The following SNTG1 variants were observed in gnomAD, a reference collection of about 807,000 sequenced individuals.
The protein encoded by SNTG1 is syntrophin gamma 1, also known as gamma-1-syntrophin.
In SNTG1, 39 loss-of-function variants were observed where a neutral mutation model predicts 74.7. The ratio of observed to expected loss-of-function variants is 0.52; its 90% CI spans 0.40 to 0.68. The LOEUF (loss-of-function observed/expected upper bound fraction) is 0.68, where lower values mean the gene tolerates loss of function less well. Ranked by LOEUF, SNTG1 falls within the 30% of genes least tolerant of loss-of-function variation. The pLI, the probability that SNTG1 is intolerant of heterozygous loss-of-function variation, is 0.00. For synonymous variants in SNTG1, 254 were observed against 217.1 expected, an observed-to-expected ratio of 1.17 and a Z score of -1.49; for missense variants, 685 against 609.5, an observed-to-expected ratio of 1.12 and a Z score of -1.30.
intron 1 of SNTG1, among the ~76,000 whole-genome samples, chr8:50,098,973 T>C (rs2080029693): frequency 6.6e-6 from 1 of 152,068 alleles, no homozygotes; most frequent in Non-Finnish European, 1.5e-5. Flanking sequence ...CATGTACACA[T>C]AGAACAACGG....
At chr8:50,304,746 C>A (rs991607031) in intron 2 of SNTG1, among the ~76,000 whole-genome samples, 1 of 152,144 alleles carries the variant, frequency 6.6e-6, no homozygotes, top group African/African-American at 2.4e-5. Flanking sequence ...TATACTCTGT[C>A]TAATATAGCC....
intron 2 of SNTG1, among the ~76,000 whole-genome samples, chr8:50,277,928 C>A (rs36097929): frequency 2.0e-5 from 3 of 152,040 alleles, no homozygotes; most frequent in African/African-American, 7.2e-5. Context: ...AATCCCAGCA[C>A]TTTGGGAAGC....
At chr8:50,258,820 AATGAGATTACCGCCTG>A (rs1435054965) in intron 2 of SNTG1, among the ~76,000 whole-genome samples, 2 of 152,134 alleles carry the variant, frequency 1.3e-5, no homozygotes, top group East Asian at 3.9e-4. Context: ...ACTTACACAT[AATGAGATTACCGCCTG>A]ATGAGATTAC....
At chr8:50,214,030 C>T (rs1398196089) in intron 2 of SNTG1, among the ~76,000 whole-genome samples, 3 of 151,920 alleles carry the variant, frequency 2.0e-5, no homozygotes, top group African/African-American at 7.3e-5. Context: ...ATGGTAATGC[C>T]TAGGTTTTCT....
At chr8:50,082,377 A>T (rs1232370204) in intron 1 of SNTG1, among the ~76,000 whole-genome samples, 1 of 152,186 alleles carries the variant, frequency 6.6e-6, no homozygotes, top group Non-Finnish European at 1.5e-5. Flanking sequence ...TTGTAATTCT[A>T]GATTCTGACT....
At chr8:50,682,536 G>C (rs914182885) in intron 15 of SNTG1, among the ~76,000 whole-genome samples, 55 of 152,086 alleles carry the variant, frequency 3.6e-4, no homozygotes, top group African/African-American at 1.3e-3. Context: ...GAGAATCAAA[G>C]AATAAGAGAG....
At chr8:50,416,819 A>G (rs1205198840) in intron 4 of SNTG1, among the ~76,000 whole-genome samples, 1 of 151,954 alleles carries the variant, frequency 6.6e-6, no homozygotes, top group Non-Finnish European at 1.5e-5. Context: ...GCCGTGCTGA[A>G]CTCTATGTCA....
chr8:50,382,411 C>A lies in SNTG1; in HGVS notation c.-27-11801C>A, dbSNP rs1288817276. On this transcript the variant is annotated intron_variant, in intron 2 of 18. Coordinates refer to ENST00000642720, the MANE Select transcript of SNTG1 (RefSeq NM_018967.5). Reference sequence around the variant, plus strand: ...ATTTTCAGGAATATCTAGAAATATGCGCTACTAGAGTTATTTGGATACAAG... The same window carrying A: ...ATTTTCAGGAATATCTAGAAATATGAGCTACTAGAGTTATTTGGATACAAG... 1.1e-4 allele frequency: 16 copies of A among 151,944 alleles called. 1 individual carries two copies. The highest frequency in any genetic ancestry group is 1.1e-3 in the Admixed American group (16 of 15,232). The allele number at this position is 151,944 out of a possible 1,614,324, so 9.4% of individuals were successfully genotyped here.
chr8:50,061,483 T>C (rs976802996), intron 1 of SNTG1, among the ~76,000 whole-genome samples: 1 of 152,054 alleles, frequency 6.6e-6, no homozygotes, highest in Non-Finnish European at 1.5e-5. Flanking sequence ...TTTTTAATTG[T>C]TTTCCTGCTT....
At chr8:50,699,279 A>G (rs2131496740) in intron 15 of SNTG1, among the ~76,000 whole-genome samples, 1 of 152,304 alleles carries the variant, frequency 6.6e-6, no homozygotes, top group South Asian at 2.1e-4. Flanking sequence ...CTTACTAATG[A>G]GCAGAAAAGC....
chr8:50,007,732 C>G (rs890726527), intron 1 of SNTG1, among the ~76,000 whole-genome samples: 1 of 151,970 alleles, frequency 6.6e-6, no homozygotes, highest in Non-Finnish European at 1.5e-5. Context: ...TTGCAGCTTT[C>G]TTGGGAATGA....
rs929225378 is a variant in SNTG1, at chr8:50,598,499, A to G, written c.849+7582A>G. The stretch of plus-strand genomic sequence containing the variant: ...TACTATATCTTTGTAGTATACTTTT[A>G]AAGTCATGTCGTGTGATGCCTTAAC... On this transcript the variant is annotated intron_variant, in intron 13 of 18. Coordinates refer to ENST00000642720, the MANE Select transcript of SNTG1 (RefSeq NM_018967.5). Among the ~76,000 whole-genome samples the G allele has an allele frequency of 5.9e-5, 9 of 151,878 alleles. No homozygotes were observed. The East Asian group carries it at 1.2e-3, about 19-fold the overall frequency.
At chr8:50,128,810 T>C (rs2081226363) in intron 1 of SNTG1, among the ~76,000 whole-genome samples, 1 of 152,188 alleles carries the variant, frequency 6.6e-6, no homozygotes, top group African/African-American at 2.4e-5. Flanking sequence ...AAATTATCTA[T>C]ATGCTCACCC....
chr8:50,358,575 C>T (rs962652649), intron 2 of SNTG1, among the ~76,000 whole-genome samples: 4 of 152,168 alleles, frequency 2.6e-5, no homozygotes, highest in African/African-American at 9.7e-5. Flanking sequence ...AATTTTGACT[C>T]AATAACACTA....
chr8:50,429,389 T>A (rs1229778213), intron 4 of SNTG1, among the ~76,000 whole-genome samples: 2 of 152,150 alleles, frequency 1.3e-5, no homozygotes, highest in African/African-American at 2.4e-5. Context: ...AAGAAAGAAC[T>A]GTCTTTTCAA....
intron 14 of SNTG1, among the ~76,000 whole-genome samples, chr8:50,658,199 A>G (rs1184514771): frequency 6.6e-6 from 1 of 152,158 alleles, no homozygotes; most frequent in African/African-American, 2.4e-5. Context: ...TAAATGATGT[A>G]TATTTAAAAA....
chr8:50,247,523 T>A (rs1179500341), intron 2 of SNTG1, among the ~76,000 whole-genome samples: 2 of 152,064 alleles, frequency 1.3e-5, no homozygotes, highest in South Asian at 2.1e-4. Flanking sequence ...ATTAAAAAAA[T>A]TTTAGAGACA....
At chr8:50,106,824 A>G (rs927633870) in intron 1 of SNTG1, among the ~76,000 whole-genome samples, 1 of 152,154 alleles carries the variant, frequency 6.6e-6, no homozygotes, top group African/African-American at 2.4e-5. Flanking sequence ...ATATTCACAG[A>G]TTGTATAGAC....
Position 50,431,888 on chromosome 8 carries a change from A to G in SNTG1, c.163-6655A>G, listed in dbSNP as rs370072130. On this transcript the variant is annotated intron_variant, in intron 4 of 18. Transcript: ENST00000642720. ...TTTTAATTGGGTTGTTTGTGTTCTT[A>G]CTGAGTGTTATGAGTTATTTGTATA... Among the ~76,000 whole-genome samples, 452 of 152,240 alleles carry G rather than the reference A, an allele frequency of 3.0e-3. 2 individuals carry two copies. The highest frequency in any genetic ancestry group is 0.011 in the African/African-American group (438 of 41,554).
Sources: allele counts gnomAD v4.1 joint callset (sites outside exome capture counted in the v4.1 genomes callset), GRCh38; gene constraint gnomAD v4.1.1; transcripts MANE v1.5; gene names NCBI Gene and HGNC (gene_info 2026-07-23, HGNC 2026-07-21).